NUAK1: variants seen among roughly 807,000 people sequenced by gnomAD.
NUAK1 encodes NUAK family kinase 1, also known as NUAK family SNF1-like kinase 1.
A neutral mutation model predicts 56.9 loss-of-function variants in NUAK1; 26 were observed. The observed-to-expected ratio is 0.46, with a 90% CI of 0.33 to 0.63. The LOEUF is 0.63. Among genes scored for constraint, NUAK1 ranks in the 30% least tolerant of loss-of-function variants. The pLI is 0.02. For synonymous variants in NUAK1, 337 were observed against 336.0 expected (o/e 1.00, Z -0.03); for missense variants, 727 against 876.1 (o/e 0.83, Z 2.15).
intron 4 of NUAK1, among the ~76,000 whole-genome samples, chr12:106,077,906 A>G (rs984456259): frequency 1.3e-5 from 2 of 152,226 alleles, no homozygotes; most frequent in Non-Finnish European, 2.9e-5. Context: ...GATTCATGGA[A>G]GTGCTTACAC....
chr12:106,104,015 G>C (rs1353196809), intron 2 of NUAK1: 1 of 151,394 alleles, frequency 6.6e-6, no homozygotes, highest in African/African-American at 2.4e-5. Context: ...AGCAGCATGA[G>C]AACAAACTAC....
At chr12:106,108,517 T>G (rs1222566174) in intron 1 of NUAK1, among the ~76,000 whole-genome samples, 1 of 152,098 alleles carries the variant, frequency 6.6e-6, no homozygotes, top group Non-Finnish European at 1.5e-5. Flanking sequence ...TTACGTCAAA[T>G]GTAAAGATAT....
chr12:106,068,321 C>T (rs1222449941), intron 6 of NUAK1, among the ~76,000 whole-genome samples: 3 of 152,202 alleles, frequency 2.0e-5, no homozygotes, highest in Non-Finnish European at 2.9e-5. Flanking sequence ...ATTCCTTTGG[C>T]GAATATCATT....
chr12:106,092,251 G>T (rs1435096407), intron 2 of NUAK1, among the ~76,000 whole-genome samples: 1 of 152,126 alleles, frequency 6.6e-6, no homozygotes, highest in Non-Finnish European at 1.5e-5. Context: ...GGGCGTGGTG[G>T]CTCATGCCTG....
chr12:106,087,765 G>A (rs2032588113), intron 2 of NUAK1, among the ~76,000 whole-genome samples: 1 of 152,212 alleles, frequency 6.6e-6, no homozygotes, highest in African/African-American at 2.4e-5. Context: ...GCCTAGGGAG[G>A]TTAAGAAACT....
At chr12:106,087,010 C>G (rs1455577594) in intron 2 of NUAK1, 125 bp from the exon 3 acceptor site, 1 of 1,228,970 alleles carries the variant, frequency 8.1e-7, no homozygotes, top group African/African-American at 1.5e-5. Context: ...TGGGTCAGAA[C>G]ACAAATCAGC....
At chr12:106,129,573 T>G (rs1024537990) in intron 1 of NUAK1, among the ~76,000 whole-genome samples, 1 of 152,166 alleles carries the variant, frequency 6.6e-6, no homozygotes, top group Admixed American at 6.5e-5. Flanking sequence ...TGAAGACCCA[T>G]GCATGAGCCT....
At chr12:106,128,650 C>T (rs1249091635) in intron 1 of NUAK1, among the ~76,000 whole-genome samples, 1 of 152,174 alleles carries the variant, frequency 6.6e-6, no homozygotes, top group Non-Finnish European at 1.5e-5. Context: ...TGGGGTCCCG[C>T]TGGAGATAAC....
chr12:106,108,669 G>C (rs2032829165), intron 1 of NUAK1, among the ~76,000 whole-genome samples: 1 of 152,212 alleles, frequency 6.6e-6, no homozygotes, highest in African/African-American at 2.4e-5. Flanking sequence ...ATAAACTAAA[G>C]ATGGCCGAGG....
chr12:106,083,976 G>A, intron 3 of NUAK1, 47 bp from the exon 4 acceptor site: 9 of 1,470,828 alleles, frequency 6.1e-6, no homozygotes, highest in Non-Finnish European at 8.6e-6. Flanking sequence ...CGGCTGGGAT[G>A]AGAACAAGAG....
At position 106,066,677 on chromosome 12, in the gene NUAK1, T is replaced by A; in HGVS notation, c.*125A>T. 1.2e-6 allele frequency: 1 copy of A among 852,220 alleles called. No homozygotes were observed. The highest frequency in any genetic ancestry group is 2.4e-5 in the East Asian group (1 of 41,004). The allele number at this position is 852,220 out of a possible 1,614,324, so 52.8% of individuals were successfully genotyped here. A position where few individuals can be genotyped will look rare whatever the true frequency, so the allele number is the denominator to read the frequency against. On this transcript the variant is annotated 3_prime_UTR_variant, in exon 7 of 7. Coordinates refer to ENST00000261402, the MANE Select transcript of NUAK1 (RefSeq NM_014840.3). ...GCTCAAGGCTGCAAACTTGGCCAAGTGAGACAGTGCCAATCCTTTTTCAGT... is the reference window on the plus strand; with the variant it reads ...GCTCAAGGCTGCAAACTTGGCCAAGAGAGACAGTGCCAATCCTTTTTCAGT...
rs1293684379 is a variant in NUAK1 at position 106,066,484 on chromosome 12, C to T, written c.*318G>A. ...TCTGGATGACTTCTAAGGAAATGCT[C>T]CTTCCACATATGCTTCCTCTCCACC... is the stretch of plus-strand genomic sequence containing the variant. On this transcript the variant is annotated 3_prime_UTR_variant, in exon 7 of 7. Coordinates refer to ENST00000261402, the MANE Select transcript of NUAK1 (RefSeq NM_014840.3). 1.2e-5 allele frequency: 4 copies of T among 337,258 alleles called. No individual in the cohort carries two copies. Among genetic ancestry groups the T allele is most frequent in the Non-Finnish European group, 1.6e-5 (3 of 183,248 alleles). The allele number at this position is 337,258 out of a possible 1,614,324, so 20.9% of individuals were successfully genotyped here. A position where few individuals can be genotyped will look rare whatever the true frequency, so the allele number is the denominator to read the frequency against.
At chr12:106,113,016 A>G (rs1468727667) in intron 1 of NUAK1, among the ~76,000 whole-genome samples, 1 of 152,234 alleles carries the variant, frequency 6.6e-6, no homozygotes, top group Non-Finnish European at 1.5e-5. Flanking sequence ...TTCAGAACAT[A>G]AAAAACAAAG....
intron 2 of NUAK1, among the ~76,000 whole-genome samples, chr12:106,091,067 C>T (rs1454493753): frequency 6.6e-6 from 1 of 152,182 alleles, no homozygotes; most frequent in Non-Finnish European, 1.5e-5. Flanking sequence ...ATACTCTTGG[C>T]CATTCTTCTA....
chr12:106,070,736 C>T lies in NUAK1; in HGVS notation c.832+38G>A, dbSNP rs142179218. The stretch of plus-strand genomic sequence containing the variant: ...AAGAGTTGGGTAAGCAGATCTCTCT[C>T]CCCTCCACCTCTGACCCTCCCTCCA... On this transcript the variant is annotated intron_variant, in intron 6 of 6. Coordinates refer to ENST00000261402, the MANE Select transcript of NUAK1 (RefSeq NM_014840.3). 9,636 of 1,612,958 alleles carry T rather than the reference C, an allele frequency of 6.0e-3. 620 individuals carry two copies. The Admixed American group carries it at 0.13, about 22-fold the overall frequency.
intron 1 of NUAK1, among the ~76,000 whole-genome samples, chr12:106,111,328 G>T (rs1349981659): frequency 1.3e-5 from 2 of 152,134 alleles, no homozygotes; most frequent in Non-Finnish European, 2.9e-5. Context: ...CATTTGCACA[G>T]TGGCAAAAGC....
chr12:106,107,335 T>G (rs1045531339), intron 1 of NUAK1, among the ~76,000 whole-genome samples: 1 of 151,370 alleles, frequency 6.6e-6, no homozygotes, highest in African/African-American at 2.4e-5. Flanking sequence ...GAAAAGTGTG[T>G]TCGCCAATGG....
intron 1 of NUAK1, among the ~76,000 whole-genome samples, chr12:106,125,747 C>T (rs1189209689): frequency 1.3e-5 from 2 of 152,174 alleles, no homozygotes; most frequent in African/African-American, 4.8e-5. Flanking sequence ...TTTCCTCCCT[C>T]AGTGTTCCAT....
In NUAK1 at chr12:106,086,813, C is replaced by T; in HGVS notation, c.434G>A (p.Ser145Asn). Residue 145 changes from serine (S) to asparagine (N), a missense_variant, in exon 3 of 7, where the codon AGT (serine) becomes AAT (asparagine). Ser to Asn is a conservative substitution (Grantham distance 46). Coordinates refer to ENST00000261402, the MANE Select transcript of NUAK1 (RefSeq NM_014840.3). ...CCTCTCACTGAGGCGTCGCCGCTCA[C>T]TGATGTAATCGTACAGCTCCCCTTT... ...ASKGELYDYI[S>N]ERRRLSERET... 6.2e-7 allele frequency: 1 copy of T among 1,614,198 alleles called. No homozygotes were observed. Among genetic ancestry groups the T allele is most frequent in the Non-Finnish European group, 8.5e-7 (1 of 1,180,016 alleles).
Sources: gnomAD v4.1 joint callset for allele counts (sites outside exome capture counted in the v4.1 genomes callset) on GRCh38, gnomAD v4.1.1 for gene constraint, MANE v1.5 for transcripts, NCBI Gene and HGNC (gene_info 2026-07-23, HGNC 2026-07-21) for gene names.